The following TBC1D8 variants were observed in gnomAD, a reference collection of about 807,000 sequenced individuals.
TBC1D8 encodes BUB2-like protein 1.
Under a neutral mutation model 118.8 loss-of-function variants are expected in TBC1D8, and 65 were observed. The observed-to-expected ratio is 0.55, with a 90% confidence interval of 0.45 to 0.67. The LOEUF (loss-of-function observed/expected upper bound fraction) is 0.67, where lower values mean the gene tolerates loss of function less well. Ranked by LOEUF, TBC1D8 falls within the 30% of genes least tolerant of loss-of-function variation. TBC1D8 has a pLI of 0.00. For missense variants in TBC1D8, 1,376 were observed against 1,471.2 expected, an observed-to-expected ratio of 0.94 and a Z score of 1.06; for synonymous variants, 566 against 595.8, an observed-to-expected ratio of 0.95 and a Z score of 0.73.
chr2:101,118,629 G>A (rs998746191), intron 1 of TBC1D8, among the ~76,000 whole-genome samples: 10 of 151,092 alleles, frequency 6.6e-5, no homozygotes, highest in African/African-American at 9.7e-5. Context: ...CCCGGGAGGC[G>A]GAGCTTGCAG....
At chr2:101,058,224 T>C (rs923340465) in intron 3 of TBC1D8, among the ~76,000 whole-genome samples, 24 of 152,112 alleles carry the variant, frequency 1.6e-4, no homozygotes, top group African/African-American at 5.6e-4. Context: ...CAAGAAGACA[T>C]TGTCAAGCTG....
At position 101,094,050 on chromosome 2, in the gene TBC1D8, C is replaced by T. The variant is rs183857817; in HGVS notation, c.128-3686G>A. Among the ~76,000 whole-genome samples, 257 of 152,192 alleles carry T rather than the reference C, an allele frequency of 1.7e-3. 3 individuals are homozygous for T. The highest frequency in any genetic ancestry group is 3.7e-3 in the East Asian group (19 of 5,130). ...GTCCTCCTGTTGCTACCAATATCCC[C>T]TCCCCAGCAGAGGCCCTCTTCACCC... On this transcript the variant is annotated intron_variant, in intron 1 of 19. Coordinates refer to ENST00000409318, the MANE Select transcript of TBC1D8 (RefSeq NM_001330348.2).
At chr2:101,112,540 T>A (rs975800720) in intron 1 of TBC1D8, among the ~76,000 whole-genome samples, 1 of 152,156 alleles carries the variant, frequency 6.6e-6, no homozygotes, top group Non-Finnish European at 1.5e-5. Flanking sequence ...GCCAGAGACA[T>A]CAGGGTTAGA....
chr2:101,101,031 C>T (rs1440425583), intron 1 of TBC1D8, among the ~76,000 whole-genome samples: 1 of 152,106 alleles, frequency 6.6e-6, no homozygotes, highest in Non-Finnish European at 1.5e-5. Context: ...GCAACAAAAG[C>T]CAAAATTGAC....
intron 17 of TBC1D8, among the ~76,000 whole-genome samples, chr2:101,020,193 C>T (rs1679947870): frequency 6.6e-6 from 1 of 151,812 alleles, no homozygotes; most frequent in South Asian, 2.1e-4. Context: ...CTAATCTATG[C>T]AACTTTTCTA....
intron 5 of TBC1D8, among the ~76,000 whole-genome samples, chr2:101,047,723 C>A (rs1366868916): frequency 6.6e-6 from 1 of 152,246 alleles, no homozygotes; most frequent in African/African-American, 2.4e-5. Flanking sequence ...GGCAGCTCAG[C>A]CCTGGCCAAC....
chr2:101,027,392 G>A lies in TBC1D8; in HGVS notation c.2511C>T (p.Asp837=). The change falls in exon 15 of 20, where the codon GAC becomes GAT. Residue 837 remains aspartate, a synonymous_variant. Transcript: ENST00000409318. ...ILPEDLEELY[D]LFKREHMMSC... is the part of the protein sequence containing the mutation. ...TCCCAGAGCTGCGTACCTTGAATAA[G>A]TCGTAGAGCTCCTCTAGGTCTTCAG... The A allele has an allele frequency of 6.2e-7, 1 of 1,613,142 alleles. No individual in the cohort carries two copies. The highest frequency in any genetic ancestry group is 1.1e-5 in the South Asian group (1 of 91,054).
At chr2:101,058,904 ATTTTTTAT>A (rs1682593083) in intron 3 of TBC1D8, among the ~76,000 whole-genome samples, 1 of 76,658 alleles carries the variant, frequency 1.3e-5, no homozygotes, top group Non-Finnish European at 2.4e-5. Flanking sequence ...AGTCTTTTTT[ATTTTTTAT>A]TTTTTTTTTT....
intron 14 of TBC1D8, 83 bp from the exon 15 acceptor site, chr2:101,027,534 G>A (rs1680408964): frequency 2.4e-6 from 3 of 1,268,796 alleles, no homozygotes; most frequent in African/African-American, 1.5e-5. Context: ...TCTTCCTCCT[G>A]AAGGGGACAC....
chr2:101,125,742 G>C (rs187508185), intron 1 of TBC1D8, among the ~76,000 whole-genome samples: 12 of 152,298 alleles, frequency 7.9e-5, no homozygotes, highest in Non-Finnish European at 1.5e-4. Context: ...AGAGACTTAA[G>C]GATATCTAAA....
At chr2:101,022,188 A>G in intron 16 of TBC1D8, 93 bp downstream of exon 16, 2 of 1,571,422 alleles carry the variant, frequency 1.3e-6, no homozygotes, top group Non-Finnish European at 1.7e-6. Flanking sequence ...GTGTTACACC[A>G]TGTGCATCTG....
At chr2:101,037,192 A>C (rs889280339) in intron 8 of TBC1D8, among the ~76,000 whole-genome samples, 1 of 152,194 alleles carries the variant, frequency 6.6e-6, no homozygotes, top group African/African-American at 2.4e-5. Flanking sequence ...ACAAAAAAAA[A>C]GGAAAAAGGA....
intron 2 of TBC1D8, among the ~76,000 whole-genome samples, chr2:101,073,286 A>ATTTTTTTTTTT (rs1558676266): frequency 7.0e-6 from 1 of 142,860 alleles, no homozygotes; most frequent in African/African-American, 2.7e-5. Context: ...ATTTTATTTT[A>ATTTTTTTTTTT]TTTTATTTTA....
intron 3 of TBC1D8, among the ~76,000 whole-genome samples, chr2:101,055,108 G>A (rs752868031): frequency 9.9e-5 from 15 of 152,122 alleles, no homozygotes; most frequent in Middle Eastern, 3.4e-3. Context: ...TCCTTTGAGC[G>A]TCCAGGTGTG....
intron 1 of TBC1D8, chr2:101,110,055 T>C (rs1677498153): frequency 1.0e-6 from 1 of 976,272 alleles, no homozygotes; most frequent in Admixed American, 6.2e-5. Flanking sequence ...TTTAGGCTCT[T>C]AGAATAACAA....
At chr2:101,038,732 C>T (rs139506739) in intron 6 of TBC1D8, 77 bp from the exon 7 acceptor site, 9 of 1,507,998 alleles carry the variant, frequency 6.0e-6, no homozygotes, top group Admixed American at 1.7e-5. Flanking sequence ...GAAGATGTCC[C>T]GAAACAGAGG....
rs2105467321 is a variant in TBC1D8, at chr2:101,099,465, A to C, written c.128-9101T>G. Reference sequence around the variant, plus strand: ...AGCTTGTACCATTCCTTCTGAAACTATTCCAAACAATTGAAAAGGAGGGAC... The same window carrying C: ...AGCTTGTACCATTCCTTCTGAAACTCTTCCAAACAATTGAAAAGGAGGGAC... On this transcript the variant is annotated intron_variant, in intron 1 of 19. Transcript: ENST00000409318. Among the ~76,000 whole-genome samples, 3 of 152,324 alleles carry C rather than the reference A, an allele frequency of 2.0e-5. 1 individual carries two copies. In the South Asian group the frequency reaches 6.2e-4, roughly 32 times the overall value.
At chr2:101,038,069 G>C (rs1033283376) in intron 7 of TBC1D8, among the ~76,000 whole-genome samples, 9 of 152,094 alleles carry the variant, frequency 5.9e-5, no homozygotes, top group Non-Finnish European at 1.0e-4. Flanking sequence ...CACTATTTTG[G>C]GTGAAAAGAG....
intron 6 of TBC1D8, among the ~76,000 whole-genome samples, chr2:101,038,879 G>A (rs975295166): frequency 2.9e-5 from 4 of 138,720 alleles, no homozygotes; most frequent in East Asian, 2.4e-4. Context: ...TCCATACATC[G>A]GCGTATGACC....
Sources: gnomAD v4.1 joint callset for allele counts (sites outside exome capture counted in the v4.1 genomes callset) on GRCh38, gnomAD v4.1.1 for gene constraint, MANE v1.5 for transcripts, NCBI Gene and HGNC (gene_info 2026-07-23, HGNC 2026-07-21) for gene names.